Variants in ABCB1 observed in about 807,000 individuals in gnomAD.
ABCB1 encodes ATP-dependent translocase ABCB1.
In ABCB1, 69 loss-of-function variants were observed where a neutral mutation model predicts 142.0. That is an observed-to-expected ratio of 0.49 (90% CI 0.40 to 0.59). The LOEUF is 0.59. ABCB1 is among the 20% of genes least tolerant of loss of function. The pLI is 0.00. For synonymous variants in ABCB1, 532 were observed against 539.2 expected (o/e 0.99, Z 0.18); for missense variants, 1,326 against 1,554.7 (o/e 0.85, Z 2.47).
chr7:87,681,792 C>T (rs1826955832), intron 1 of ABCB1, among the ~76,000 whole-genome samples: 1 of 152,154 alleles, frequency 6.6e-6, no homozygotes, highest in South Asian at 2.1e-4. Flanking sequence ...AGGAGGATCA[C>T]TTGAGTTCCA....
intron 4 of ABCB1, among the ~76,000 whole-genome samples, chr7:87,585,027 A>G (rs988798712): frequency 2.6e-5 from 4 of 151,888 alleles, no homozygotes; most frequent in African/African-American, 9.7e-5. Flanking sequence ...CCAACATATA[A>G]CAATGTCCAA....
At chr7:87,652,690 T>C (rs1046910618) in intron 1 of ABCB1, among the ~76,000 whole-genome samples, 1 of 148,898 alleles carries the variant, frequency 6.7e-6, no homozygotes, top group African/African-American at 2.5e-5. Context: ...ATGAGGTATT[T>C]TAAAGATCCA....
At chr7:87,609,059 G>A (rs1819757914) in intron 1 of ABCB1, among the ~76,000 whole-genome samples, 1 of 152,078 alleles carries the variant, frequency 6.6e-6, no homozygotes, top group Non-Finnish European at 1.5e-5. Context: ...TATATTTGAT[G>A]GTAAGAGTAG....
At chr7:87,601,418 AAT>A (rs541440467), upstream of ABCB1, among the ~76,000 whole-genome samples, 19 of 152,368 alleles carry the variant, frequency 1.2e-4, no homozygotes, top group South Asian at 3.9e-3. Context: ...AGTTTTAAAA[AAT>A]ATATAGAGAC....
intron 23 of ABCB1, chr7:87,518,836 A>G: frequency 6.3e-6 from 1 of 159,884 alleles, no homozygotes; most frequent in Non-Finnish European, 1.4e-5. Flanking sequence ...GAAAAATCCC[A>G]ATATAACTTT....
chr7:87,689,623 C>A (rs533549121), intron 1 of ABCB1, among the ~76,000 whole-genome samples: 1 of 152,106 alleles, frequency 6.6e-6, no homozygotes, highest in Admixed American at 6.6e-5. Flanking sequence ...GTAAATATTT[C>A]TCATTTTATA....
chr7:87,589,306 G>T (rs1169550509), intron 3 of ABCB1, among the ~76,000 whole-genome samples: 2 of 152,076 alleles, frequency 1.3e-5, no homozygotes, highest in African/African-American at 4.8e-5. Flanking sequence ...GAGAATACAA[G>T]AAACTTATTG....
At chr7:87,534,154 A>T (rs890035370) in intron 20 of ABCB1, among the ~76,000 whole-genome samples, 6 of 152,194 alleles carry the variant, frequency 3.9e-5, no homozygotes, top group African/African-American at 1.4e-4. Context: ...AGGCAGGAAG[A>T]AAAACTGCAA....
Position 87,553,466 on chromosome 7 carries a change from G to A in ABCB1, c.999+295C>T, listed in dbSNP as rs28381884. Among the ~76,000 whole-genome samples the A allele has an allele frequency of 2.2e-3, 334 of 151,734 alleles. 3 individuals carry two copies. The highest frequency in any genetic ancestry group is 7.6e-3 in the African/African-American group (314 of 41,390). On this transcript the variant is annotated intron_variant, in intron 9 of 27. Coordinates refer to ENST00000622132, the MANE Select transcript of ABCB1 (RefSeq NM_001348946.2). ...CTCCTGAGTAGCTGGGACTACAGGC[G>A]CCCGCCACCACGCCCGGCTAATTTT...
chr7:87,673,820 C>G (rs1826062043), intron 1 of ABCB1, among the ~76,000 whole-genome samples: 1 of 152,180 alleles, frequency 6.6e-6, no homozygotes, highest in Admixed American at 6.5e-5. Context: ...TGTGCTGGTT[C>G]TTTCTCATGT....
Position 87,515,267 on chromosome 7 carries a change from G to A in ABCB1, c.3246C>T (p.Leu1082=). 6.2e-7 allele frequency: 1 copy of A among 1,614,074 alleles called. No individual in the cohort carries two copies. The highest frequency in any genetic ancestry group is 1.1e-5 in the South Asian group (1 of 91,084). ...CCAAGGGGTCGTAGAACCGCTCCAG[G>A]AGCTGGACCACTGTGCTCTTCCCAC... ...SGCGKSTVVQ[L]LERFYDPLAG... Residue 1082 remains leucine, a synonymous_variant, in exon 25 of 28, where the codon CTC becomes CTT. Transcript: ENST00000622132.
intron 24 of ABCB1, among the ~76,000 whole-genome samples, chr7:87,515,961 A>C (rs572151303): frequency 2.2e-4 from 33 of 152,328 alleles, no homozygotes; most frequent in South Asian, 2.1e-3. Flanking sequence ...ATGTATTGTT[A>C]AGACAATATG....
At chr7:87,611,464 A>G (rs1819847139) in intron 1 of ABCB1, among the ~76,000 whole-genome samples, 1 of 152,142 alleles carries the variant, frequency 6.6e-6, no homozygotes, top group Non-Finnish European at 1.5e-5. Context: ...ACAAATAAGA[A>G]CATGTGATAT....
intron 1 of ABCB1, among the ~76,000 whole-genome samples, chr7:87,608,986 A>G (rs1819755754): frequency 6.6e-6 from 1 of 152,180 alleles, no homozygotes; most frequent in East Asian, 1.9e-4. Flanking sequence ...GTCACATATT[A>G]CTCTAAGTGC....
intron 20 of ABCB1, among the ~76,000 whole-genome samples, chr7:87,534,829 TGCTTGA>T (rs964862310): frequency 2.0e-5 from 3 of 150,482 alleles, no homozygotes; most frequent in African/African-American, 7.4e-5. Context: ...AAGGGAGGAT[TGCTTGA>T]GCCCATGAGT....
At chr7:87,581,884 G>C (rs1818527529) in intron 4 of ABCB1, among the ~76,000 whole-genome samples, 1 of 152,108 alleles carries the variant, frequency 6.6e-6, no homozygotes, top group South Asian at 2.1e-4. Context: ...CTAGGGAAGG[G>C]CAAAAAGAAG....
chr7:87,626,364 A>ATATGTGTCATATG (rs1820536285), intron 1 of ABCB1, among the ~76,000 whole-genome samples: 3 of 30,064 alleles, frequency 1.0e-4, no homozygotes, highest in Non-Finnish European at 1.5e-4. Flanking sequence ...TGTGTCATAT[A>ATATGTGTCATATG]TATGTGTCAT....
At chr7:87,639,389 TTA>T (rs1464401868) in intron 1 of ABCB1, among the ~76,000 whole-genome samples, 2 of 152,170 alleles carry the variant, frequency 1.3e-5, no homozygotes, top group Non-Finnish European at 2.9e-5. Flanking sequence ...ATTGCATGAT[TTA>T]TATATGTCAG....
Position 87,626,326 on chromosome 7 carries a change from T to C in ABCB1, c.-330-25248A>G, listed in dbSNP as rs1389465310. Among the ~76,000 whole-genome samples, 2 of 35,992 alleles carry C rather than the reference T, an allele frequency of 5.6e-5. 1 individual carries two copies. The highest frequency in any genetic ancestry group is 7.4e-4 in the Admixed American group (2 of 2,700). The allele number at this position is 35,992 out of a possible 152,430, so 23.6% of individuals were successfully genotyped here. On this transcript the variant is annotated intron_variant, in intron 1 of 28. Coordinates refer to the ABCB1 transcript ENST00000265724. ...ATATATGTGTCGTATATGTGTCATA[T>C]ATATGTGTCGTATATGTGTCATATA...
Sources: allele counts gnomAD v4.1 joint callset (sites outside exome capture counted in the v4.1 genomes callset), GRCh38; gene constraint gnomAD v4.1.1; transcripts MANE v1.5; gene names NCBI Gene and HGNC (gene_info 2026-07-23, HGNC 2026-07-21).